The following CHM variants were observed in gnomAD, a reference collection of about 807,000 sequenced individuals.
The protein encoded by CHM is CHM Rab escort protein.
CHM carries 10 observed loss-of-function variants against 49.0 expected under a neutral mutation model. The ratio of observed to expected loss-of-function variants is 0.20; its 90% CI spans 0.13 to 0.35. CHM has a LOEUF of 0.35. CHM is among the 10% of genes least tolerant of loss of function. The pLI, the probability that CHM is intolerant of heterozygous loss-of-function variation, is 1.00. For synonymous variants in CHM, 184 were observed against 167.5 expected, an observed-to-expected ratio of 1.10 and a Z score of -0.76; for missense variants, 455 against 478.4, an observed-to-expected ratio of 0.95 and a Z score of 0.46.
intron 9 of CHM, among the ~76,000 whole-genome samples, chrX:85,907,324 T>C (rs759209248): frequency 8.9e-6 from 1 of 111,791 alleles, no homozygotes; most frequent in South Asian, 3.7e-4. Flanking sequence ...TAGATGTATC[T>C]GGTCCTAGTC....
chrX:85,964,033 C>T lies in CHM; in HGVS notation c.334G>A (p.Val112Ile). The T allele has an allele frequency of 8.3e-7, 1 of 1,208,219 alleles. No homozygotes were observed. The highest frequency in any genetic ancestry group is 1.1e-6 in the Non-Finnish European group (1 of 893,329). ...TTCTGCAGTGCACCAGCTTCTTCGA[C>T]ATCTTCATGCAAATCCTGACTAATA... The part of the protein sequence containing the change: ...CYASQDLHED[V>I]EEAGALQKNH... The change falls in exon 5 of 15, where the codon GTC becomes ATC. Residue 112 changes from valine to isoleucine, a missense_variant. Val to Ile is a conservative substitution (Grantham distance 29). Transcript: ENST00000357749.
intron 12 of CHM, among the ~76,000 whole-genome samples, chrX:85,891,540 T>C (rs759422668): frequency 9.8e-5 from 11 of 112,354 alleles, no homozygotes; most frequent in Non-Finnish European, 1.7e-4. Flanking sequence ...GCAGCTTCCA[T>C]GTGGTGTTGA....
At chrX:85,937,185 G>C (rs2148202555) in intron 8 of CHM, among the ~76,000 whole-genome samples, 2 of 105,483 alleles carry the variant, frequency 1.9e-5, no homozygotes, top group South Asian at 8.8e-4. Flanking sequence ...AGAATCACTT[G>C]AACCCGGGAG....
intron 12 of CHM, among the ~76,000 whole-genome samples, chrX:85,885,599 G>A (rs1014717491): frequency 3.6e-5 from 4 of 110,972 alleles, no homozygotes; most frequent in African/African-American, 1.3e-4. Context: ...TAAACTTTGA[G>A]GTATGCGTAC....
rs182083814 is a variant in CHM, at chrX:85,931,336, T to C, written c.1167-19998A>G. ...AATAGCAAAAAAATAAACAGAACGC[T>C]ATCCTTACCTAATATATGCACTGCC... On this transcript the variant is annotated intron_variant, in intron 8 of 14. Transcript: ENST00000357749. Among the ~76,000 whole-genome samples the C allele has an allele frequency of 2.3e-3, 255 of 111,040 alleles. 1 individual carries two copies. Among genetic ancestry groups the C allele is most frequent in the African/African-American group, 7.9e-3 (242 of 30,541 alleles).
At chrX:85,946,842 G>A (rs1397570003) in intron 8 of CHM, among the ~76,000 whole-genome samples, 1 of 112,243 alleles carries the variant, frequency 8.9e-6, no homozygotes, top group Non-Finnish European at 1.9e-5. Flanking sequence ...AAAGCCACAG[G>A]CACTCAACAA....
chrX:86,032,251 A>G (rs747608032), intron 1 of CHM, among the ~76,000 whole-genome samples: 1 of 112,318 alleles, frequency 8.9e-6, no homozygotes, highest in Non-Finnish European at 1.9e-5. Context: ...GTCAAATCCT[A>G]CAGCATTCCA....
Position 85,971,278 on chromosome X carries a change from C to A in CHM, c.315-7226G>T, listed in dbSNP as rs568061411. 614 of 729,964 alleles carry A rather than the reference C, an allele frequency of 8.4e-4. 2 individuals are homozygous for A. In the South Asian group the frequency reaches 0.017, roughly 20 times the overall value. 60.2% of individuals were successfully genotyped at this position (729,964 alleles called of 1,213,427 possible). A position where few individuals can be genotyped will look rare whatever the true frequency, so the allele number is the denominator to read the frequency against. On this transcript the variant is annotated intron_variant, in intron 4 of 14. Transcript: ENST00000357749. The stretch of plus-strand genomic sequence containing the variant: ...TCGGTGTGTCCGGAATTGGTGGGTT[C>A]TTGGTCTCACTGACTTAAAGAATGA...
At chrX:85,965,933 G>C (rs983563241) in intron 4 of CHM, among the ~76,000 whole-genome samples, 3 of 111,681 alleles carry the variant, frequency 2.7e-5, no homozygotes, top group African/African-American at 9.8e-5. Flanking sequence ...TAATCTCTCT[G>C]ATTCACCACA....
At chrX:85,965,147 C>T (rs1313337395) in intron 4 of CHM, among the ~76,000 whole-genome samples, 1 of 112,604 alleles carries the variant, frequency 8.9e-6, no homozygotes, top group African/African-American at 3.2e-5. Flanking sequence ...TTCTAATTGT[C>T]AAATCATGAC....
intron 2 of CHM, among the ~76,000 whole-genome samples, chrX:85,997,114 G>A (rs187414932): frequency 1.8e-5 from 2 of 111,553 alleles, no homozygotes; most frequent in Non-Finnish European, 3.8e-5. Context: ...TCTTTCATTT[G>A]TATTTCAAAC....
chrX:86,002,895 A>G (rs1249085313), intron 2 of CHM, among the ~76,000 whole-genome samples: 2 of 112,055 alleles, frequency 1.8e-5, no homozygotes, highest in Non-Finnish European at 3.8e-5. Flanking sequence ...TTCTCCCAAC[A>G]TGGGGTTTGA....
chrX:85,996,191 A>C (rs1932430458), intron 2 of CHM, among the ~76,000 whole-genome samples: 1 of 112,241 alleles, frequency 8.9e-6, no homozygotes, highest in Non-Finnish European at 1.9e-5. Context: ...ACTAAAAAGA[A>C]ACCTCACATG....
chrX:86,008,440 C>A (rs1022649120), intron 2 of CHM, among the ~76,000 whole-genome samples: 6 of 111,004 alleles, frequency 5.4e-5, no homozygotes, highest in African/African-American at 2.0e-4. Flanking sequence ...GTTCATGGCA[C>A]CTATATTTTA....
Position 85,901,205 on chromosome X carries a change from CA to C in CHM, c.1245-18del. On this transcript the variant is annotated intron_variant, in intron 9 of 14. Coordinates refer to ENST00000357749, the MANE Select transcript of CHM (RefSeq NM_000390.4). Reference sequence around the variant, plus strand: ...GCTTTACATCTATAAAGAAGATAAGCATACCATAAAAGTTCATATTAATGAT... The same window carrying C: ...GCTTTACATCTATAAAGAAGATAAGCTACCATAAAAGTTCATATTAATGAT... 9.9e-7 allele frequency: 1 copy of C among 1,006,243 alleles called. No individual in the cohort carries two copies. The highest frequency in any genetic ancestry group is 1.4e-6 in the Non-Finnish European group (1 of 725,912). 82.9% of individuals were successfully genotyped at this position (1,006,243 alleles called of 1,213,427 possible).
In CHM at chrX:85,936,666, G is replaced by C. The variant is rs182585074; in HGVS notation, c.1166+19487C>G. Among the ~76,000 whole-genome samples the C allele has an allele frequency of 9.8e-5, 11 of 112,176 alleles. No homozygotes were observed. The East Asian group carries it at 2.8e-3, about 29-fold the overall frequency. ...CCAAAGTAGAAGGTAAACTGATGAA[G>C]AATCAGAAATAAATAGCTTTGCTAC... is the stretch of plus-strand genomic sequence containing the variant. On this transcript the variant is annotated intron_variant, in intron 8 of 14. Coordinates refer to ENST00000357749, the MANE Select transcript of CHM (RefSeq NM_000390.4).
chrX:86,003,497 G>T (rs1932789627), intron 2 of CHM, among the ~76,000 whole-genome samples: 1 of 111,830 alleles, frequency 8.9e-6, no homozygotes, highest in Admixed American at 9.5e-5. Context: ...CCATCGCAAA[G>T]AAGCTAAAAA....
At chrX:85,883,734 G>C (rs1924900518) in intron 12 of CHM, among the ~76,000 whole-genome samples, 1 of 110,537 alleles carries the variant, frequency 9.0e-6, no homozygotes, top group Non-Finnish European at 1.9e-5. Flanking sequence ...TTTAAAACTA[G>C]GGTCACAAAA....
chrX:85,899,425 G>A (rs1926105267), intron 11 of CHM, among the ~76,000 whole-genome samples: 1 of 110,584 alleles, frequency 9.0e-6, no homozygotes, highest in Non-Finnish European at 1.9e-5. Flanking sequence ...ATTCTCTGGG[G>A]ATTCTCTTTT....
Sources: allele counts gnomAD v4.1 joint callset (sites outside exome capture counted in the v4.1 genomes callset), GRCh38; gene constraint gnomAD v4.1.1; transcripts MANE v1.5; gene names NCBI Gene and HGNC (gene_info 2026-07-23, HGNC 2026-07-21).